KLHL29: variants seen among roughly 807,000 people sequenced by gnomAD.
KLHL29 encodes kelch-like protein 29.
A neutral mutation model predicts 80.4 loss-of-function variants in KLHL29; 21 were observed. That is an observed-to-expected ratio of 0.26 (90% CI 0.19 to 0.38). The LOEUF (loss-of-function observed/expected upper bound fraction) is 0.38, where lower values mean the gene tolerates loss of function less well. KLHL29 is among the 10% of genes least tolerant of loss of function. The probability of loss-of-function intolerance (pLI) is 1.00; values close to 1 mark genes in which losing one functional copy is unlikely to be tolerated. For synonymous variants in KLHL29, 511 were observed against 526.8 expected (o/e 0.97, Z 0.41); for missense variants, 867 against 1,223.9 (o/e 0.71, Z 4.35).
rs1347175826 is a variant in KLHL29, at chr2:23,681,829, A to G, written c.941-2570A>G. Among the ~76,000 whole-genome samples, 1 of 152,164 alleles carries G rather than the reference A, an allele frequency of 6.6e-6. No individual in the cohort carries two copies. Among genetic ancestry groups the G allele is most frequent in the Non-Finnish European group, 1.5e-5 (1 of 68,006 alleles). On this transcript the variant is annotated intron_variant, in intron 5 of 13. Transcript: ENST00000486442. The surrounding 1 kb of genome is among the most constrained non-coding windows in gnomAD (Gnocchi z 4.2). The stretch of plus-strand genomic sequence containing the variant: ...TACCTGGCTCGTGGTTTGGGCATTA[A>G]TTCGGCTGGTGACTCTTTCTGGAGA...
At chr2:23,406,607 T>C (rs1336930609) in intron 1 of KLHL29, among the ~76,000 whole-genome samples, 1 of 152,162 alleles carries the variant, frequency 6.6e-6, no homozygotes, top group East Asian at 1.9e-4. Flanking sequence ...ACTGTAACTC[T>C]CTGGTGGATA....
At chr2:23,604,260 C>G (rs1363028992) in intron 3 of KLHL29, among the ~76,000 whole-genome samples, 1 of 118,580 alleles carries the variant, frequency 8.4e-6, no homozygotes, top group Non-Finnish European at 1.8e-5. Flanking sequence ...CCCGCCACCA[C>G]GCCTGGCTGT....
At chr2:23,573,120 T>G (rs1667759712) in intron 3 of KLHL29, among the ~76,000 whole-genome samples, 1 of 152,184 alleles carries the variant, frequency 6.6e-6, no homozygotes, top group Non-Finnish European at 1.5e-5. Flanking sequence ...GGGGCGCAGA[T>G]TTTACATCAT....
intron 1 of KLHL29, among the ~76,000 whole-genome samples, chr2:23,408,832 C>G (rs186074005): frequency 2.3e-4 from 35 of 152,280 alleles, no homozygotes; most frequent in African/African-American, 8.4e-4. Flanking sequence ...CTTTGTGACT[C>G]TAATCCCGAG....
chr2:23,500,111 G>C (rs1363591305), intron 2 of KLHL29, among the ~76,000 whole-genome samples: 1 of 152,150 alleles, frequency 6.6e-6, no homozygotes, highest in African/African-American at 2.4e-5. Context: ...CTCTAAAGTA[G>C]ATATTCTCCC....
chr2:23,545,968 G>A (rs147741686), intron 2 of KLHL29, among the ~76,000 whole-genome samples: 5 of 152,322 alleles, frequency 3.3e-5, no homozygotes, highest in South Asian at 2.1e-4. Flanking sequence ...TCTGTGTGCC[G>A]CTGCAGGGCC....
At chr2:23,663,417 G>A (rs1221135798) in intron 5 of KLHL29, among the ~76,000 whole-genome samples, 3 of 152,220 alleles carry the variant, frequency 2.0e-5, no homozygotes, top group Non-Finnish European at 4.4e-5. Context: ...CACTCGGGCC[G>A]CCCCGCGGCT....
intron 2 of KLHL29, chr2:23,523,993 A>G (rs1666197582): frequency 6.4e-6 from 3 of 471,580 alleles, no homozygotes; most frequent in South Asian, 3.1e-5. Context: ...GAGCTTGCCT[A>G]AACACCACCA....
intron 2 of KLHL29, among the ~76,000 whole-genome samples, chr2:23,510,577 G>A (rs1208148455): frequency 6.6e-6 from 1 of 152,172 alleles, no homozygotes; most frequent in South Asian, 2.1e-4. Flanking sequence ...AGGGTCCCCC[G>A]ATTGTCACCA....
chr2:23,425,447 G>A (rs989649674), intron 1 of KLHL29, among the ~76,000 whole-genome samples: 4 of 152,144 alleles, frequency 2.6e-5, no homozygotes, highest in East Asian at 1.9e-4. Context: ...CTCCAGGGCC[G>A]GCCAGACCAG....
intron 2 of KLHL29, among the ~76,000 whole-genome samples, chr2:23,498,859 A>G (rs968731903): frequency 2.0e-5 from 3 of 152,216 alleles, no homozygotes; most frequent in African/African-American, 7.2e-5. Context: ...GGCCGCCCCT[A>G]TGCCTCCCAA....
intron 3 of KLHL29, among the ~76,000 whole-genome samples, chr2:23,572,720 A>C (rs1361716872): frequency 8.1e-6 from 1 of 123,734 alleles, no homozygotes; most frequent in African/African-American, 3.3e-5. Context: ...TTTTTTTTTG[A>C]GACGGAGTCT....
chr2:23,471,756 G>GC (rs1276169738), intron 1 of KLHL29, among the ~76,000 whole-genome samples: 1 of 152,172 alleles, frequency 6.6e-6, no homozygotes, highest in Non-Finnish European at 1.5e-5. Context: ...CACAAATTAA[G>GC]CCCTGAAGCA....
At chr2:23,645,073 G>A (rs960204129) in intron 5 of KLHL29, among the ~76,000 whole-genome samples, 1 of 152,146 alleles carries the variant, frequency 6.6e-6, no homozygotes, top group South Asian at 2.1e-4. Context: ...AGTGACGCAC[G>A]CGCCTACAAA....
chr2:23,415,491 A>G (rs1244372653), intron 1 of KLHL29, among the ~76,000 whole-genome samples: 1 of 152,204 alleles, frequency 6.6e-6, no homozygotes, highest in Admixed American at 6.5e-5. Flanking sequence ...TTGGAAAGCT[A>G]TTATTTGTTC....
At position 23,649,069 on chromosome 2, in the gene KLHL29, A is replaced by G. The variant is rs574884836; in HGVS notation, c.940+6219A>G. 7.9e-5 allele frequency among the ~76,000 whole-genome samples: 12 copies of G among 152,334 alleles called. No individual in the cohort carries two copies. In the South Asian group the frequency reaches 2.3e-3, roughly 29 times the overall value. On this transcript the variant is annotated intron_variant, in intron 5 of 13. Transcript: ENST00000486442. The stretch of plus-strand genomic sequence containing the variant: ...TGTTATGACCACTACTGTAAATCCT[A>G]AAGATTCTTGGAGGAGAAATCGGGT...
intron 1 of KLHL29, among the ~76,000 whole-genome samples, chr2:23,387,795 T>G (rs1666223005): frequency 6.6e-6 from 1 of 152,202 alleles, no homozygotes; most frequent in Non-Finnish European, 1.5e-5. Context: ...TTTATCACCC[T>G]GCTATAAATC....
chr2:23,703,864 G>A lies in KLHL29; in HGVS notation c.2444+1G>A. On this transcript the variant is annotated splice_donor_variant, in intron 13 of 13. Coordinates refer to ENST00000486442, the MANE Select transcript of KLHL29 (RefSeq NM_052920.2). LOFTEE classifies it high-confidence loss of function. Reference sequence around the variant, plus strand: ...TGAACCACTCTCGCCAGTTCTGCAGGTGAGAGGCTGCGGCGCCTTGACTAG... The same window carrying A: ...TGAACCACTCTCGCCAGTTCTGCAGATGAGAGGCTGCGGCGCCTTGACTAG... 2.0e-6 allele frequency: 3 copies of A among 1,535,756 alleles called. No homozygotes were observed. Among genetic ancestry groups the A allele is most frequent in the Non-Finnish European group, 2.6e-6 (3 of 1,146,158 alleles).
intron 2 of KLHL29, among the ~76,000 whole-genome samples, chr2:23,536,217 G>A (rs72793528): frequency 0.033 from 4,962 of 152,210 alleles, 101 homozygotes; most frequent in Non-Finnish European, 0.047. Context: ...TGACTCTCTC[G>A]GGCAACGTGT....
Sources: gnomAD v4.1 joint callset for allele counts (sites outside exome capture counted in the v4.1 genomes callset) on GRCh38, gnomAD v4.1.1 for gene constraint, Gnocchi (gnomAD v3.1) non-coding constraint, MANE v1.5 for transcripts, NCBI Gene and HGNC (gene_info 2026-07-23, HGNC 2026-07-21) for gene names.